ZBBX: variants seen among roughly 807,000 people sequenced by gnomAD.
ZBBX encodes zinc finger B-box domain containing.
A neutral mutation model predicts 108.5 loss-of-function variants in ZBBX; 101 were observed. The observed-to-expected ratio is 0.93, with a 90% CI of 0.79 to 1.10. ZBBX has a LOEUF of 1.10. ZBBX is among the 50% of genes least tolerant of loss of function. ZBBX has a pLI of 0.00. For synonymous variants in ZBBX, 356 were observed against 323.4 expected, an observed-to-expected ratio of 1.10 and a Z score of -1.08; for missense variants, 1,009 against 941.4, an observed-to-expected ratio of 1.07 and a Z score of -0.94.
intron 1 of ZBBX, among the ~76,000 whole-genome samples, chr3:167,397,236 T>A (rs955002126): frequency 7.9e-5 from 12 of 151,442 alleles, no homozygotes; most frequent in African/African-American, 2.9e-4. Context: ...TTTCTTTGCA[T>A]TTTTCTGGGT....
At chr3:167,191,935 A>ATATATATAT in the ZBBX span, among the ~76,000 whole-genome samples, 1 of 130,252 alleles carries the variant, frequency 7.7e-6, no homozygotes, top group Non-Finnish European at 1.6e-5. Context: ...ATATATATAT[A>ATATATATAT]GAGCAAGTTA....
At chr3:167,324,570 T>C (rs181456997) in intron 11 of ZBBX, among the ~76,000 whole-genome samples, 101 of 151,894 alleles carry the variant, frequency 6.6e-4, no homozygotes, top group Non-Finnish European at 3.4e-4. Flanking sequence ...GTAGGCTGCA[T>C]GACTTTTTCA....
At chr3:167,242,693 A>G in intron 20 of ZBBX, 50 bp from the exon 21 acceptor site, 1 of 1,540,942 alleles carries the variant, frequency 6.5e-7, no homozygotes, top group Admixed American at 1.8e-5. Context: ...CAAGAAACAA[A>G]TATACAGCAT....
intron 20 of ZBBX, among the ~76,000 whole-genome samples, chr3:167,264,216 T>C (rs1231317640): frequency 1.4e-5 from 1 of 70,936 alleles, no homozygotes; most frequent in Non-Finnish European, 3.0e-5. Flanking sequence ...AATGTTGTTA[T>C]TGATAAGGAC....
chr3:167,387,874 A>C (rs1019491962), intron 1 of ZBBX, among the ~76,000 whole-genome samples: 18 of 152,164 alleles, frequency 1.2e-4, no homozygotes, highest in Admixed American at 2.0e-4. Context: ...ATGACCCTGA[A>C]GATACAATTT....
At chr3:167,309,559 C>T (rs901224685) in intron 16 of ZBBX, among the ~76,000 whole-genome samples, 1 of 152,220 alleles carries the variant, frequency 6.6e-6, no homozygotes, top group Non-Finnish European at 1.5e-5. Flanking sequence ...TGGAAGCCAC[C>T]AAGGCTTGGG....
chr3:167,264,210 T>C (rs574348805), intron 20 of ZBBX, among the ~76,000 whole-genome samples: 98 of 134,060 alleles, frequency 7.3e-4, no homozygotes, highest in Non-Finnish European at 1.3e-3. Flanking sequence ...ACATTCAATG[T>C]TGTTATTGAT....
At chr3:167,355,212 C>T (rs1011644543) in intron 8 of ZBBX, among the ~76,000 whole-genome samples, 1 of 151,912 alleles carries the variant, frequency 6.6e-6, no homozygotes, top group Non-Finnish European at 1.5e-5. Flanking sequence ...TCTTTGCCAT[C>T]AATATATGTA....
chr3:167,267,820 T>G (rs1725826033), intron 20 of ZBBX, among the ~76,000 whole-genome samples: 1 of 152,120 alleles, frequency 6.6e-6, no homozygotes, highest in African/African-American at 2.4e-5. Flanking sequence ...AAAACCTGGT[T>G]TCCATGGCTA....
At chr3:167,193,692 C>T in the ZBBX span, among the ~76,000 whole-genome samples, 1 of 152,014 alleles carries the variant, frequency 6.6e-6, no homozygotes, top group African/African-American at 2.4e-5. Flanking sequence ...TATTGCAGCA[C>T]TATTCACAAT....
intron 20 of ZBBX, among the ~76,000 whole-genome samples, chr3:167,282,037 G>T (rs1728893698): frequency 6.6e-6 from 1 of 152,156 alleles, no homozygotes; most frequent in Non-Finnish European, 1.5e-5. Flanking sequence ...CTTTGGTGTG[G>T]CTGGGCATCC....
intron 12 of ZBBX, among the ~76,000 whole-genome samples, chr3:167,321,351 T>C (rs1474323593): frequency 6.6e-6 from 1 of 151,994 alleles, no homozygotes; most frequent in South Asian, 2.1e-4. Flanking sequence ...ATGGGCTTAA[T>C]AGGTAGAATT....
intron 17 of ZBBX, among the ~76,000 whole-genome samples, chr3:167,300,790 G>C (rs968274579): frequency 6.6e-6 from 1 of 151,478 alleles, no homozygotes; most frequent in African/African-American, 2.4e-5. Context: ...GCTAATTTTT[G>C]TATTTTTAAT....
chr3:167,203,719 G>A, the ZBBX span, among the ~76,000 whole-genome samples: 6 of 151,942 alleles, frequency 3.9e-5, no homozygotes, highest in Admixed American at 2.0e-4. Flanking sequence ...TTATCTTCCT[G>A]TTGTATTTAT....
At chr3:167,307,357 G>T (rs1241049012) in intron 16 of ZBBX, among the ~76,000 whole-genome samples, 1 of 152,096 alleles carries the variant, frequency 6.6e-6, no homozygotes, top group East Asian at 1.9e-4. Flanking sequence ...ACTACATGAT[G>T]CTAAATCCAG....
At chr3:167,265,899 G>A (rs1725373148) in intron 20 of ZBBX, among the ~76,000 whole-genome samples, 1 of 152,200 alleles carries the variant, frequency 6.6e-6, no homozygotes, top group Non-Finnish European at 1.5e-5. Flanking sequence ...AAGTCCTCTA[G>A]TTGATGTGCT....
At chr3:167,274,880 CT>C (rs935026330) in intron 20 of ZBBX, among the ~76,000 whole-genome samples, 111 of 152,316 alleles carry the variant, frequency 7.3e-4, no homozygotes, top group African/African-American at 2.5e-3. Context: ...TAAAAACCCC[CT>C]GGTGTCCTTT....
At chr3:167,217,202 A>G in the ZBBX span, among the ~76,000 whole-genome samples, 1 of 152,184 alleles carries the variant, frequency 6.6e-6, no homozygotes, top group East Asian at 1.9e-4. Flanking sequence ...GGAATAGGAG[A>G]AAATTTCTGA....
chr3:167,191,914 T>TAGAGAG, the ZBBX span, among the ~76,000 whole-genome samples: 41 of 114,644 alleles, frequency 3.6e-4, 1 homozygote, highest in African/African-American at 1.2e-3. Flanking sequence ...TATATATATA[T>TAGAGAG]ATATATATAT....
Sources: allele counts gnomAD v4.1 joint callset (sites outside exome capture counted in the v4.1 genomes callset), GRCh38; gene constraint gnomAD v4.1.1; transcripts MANE v1.5; gene names NCBI Gene and HGNC (gene_info 2026-07-23, HGNC 2026-07-21).